Variants in DYNC1I1 observed in about 807,000 individuals in gnomAD.
DYNC1I1 encodes the protein dynein cytoplasmic 1 intermediate chain 1.
Under a neutral mutation model 86.6 loss-of-function variants are expected in DYNC1I1, and 43 were observed. That is an observed-to-expected ratio of 0.50 (90% CI 0.39 to 0.64). DYNC1I1 has a LOEUF of 0.64. Among genes scored for constraint, DYNC1I1 ranks in the 30% least tolerant of loss-of-function variants. The probability of loss-of-function intolerance (pLI) is 0.00; values close to 1 mark genes in which losing one functional copy is unlikely to be tolerated. For missense variants in DYNC1I1, 604 were observed against 788.8 expected, an observed-to-expected ratio of 0.77 and a Z score of 2.81; for synonymous variants, 262 against 283.7, an observed-to-expected ratio of 0.92 and a Z score of 0.77.
At chr7:95,845,547 A>G (rs931412998) in intron 5 of DYNC1I1, among the ~76,000 whole-genome samples, 1 of 152,224 alleles carries the variant, frequency 6.6e-6, no homozygotes, top group African/African-American at 2.4e-5. Flanking sequence ...TCATGTAACA[A>G]TGCCTGGTAT....
chr7:95,929,817 T>G (rs1791844402), intron 6 of DYNC1I1, among the ~76,000 whole-genome samples: 1 of 152,228 alleles, frequency 6.6e-6, no homozygotes, highest in Middle Eastern at 3.2e-3. Flanking sequence ...TCAGAAGCAT[T>G]CATGCTGTTG....
chr7:96,026,459 T>A (rs1794685760), intron 10 of DYNC1I1, among the ~76,000 whole-genome samples: 17 of 152,072 alleles, frequency 1.1e-4, no homozygotes, highest in Admixed American at 1.1e-3. Flanking sequence ...ACTTTGCTGG[T>A]GTATCAGTTA....
chr7:95,982,619 T>G (rs1406464085), intron 7 of DYNC1I1, among the ~76,000 whole-genome samples: 2 of 152,164 alleles, frequency 1.3e-5, no homozygotes, highest in Non-Finnish European at 2.9e-5. Flanking sequence ...AAAGATTTTT[T>G]AATATCTTAA....
chr7:95,796,063 C>T (rs556834939), intron 1 of DYNC1I1, among the ~76,000 whole-genome samples: 38 of 151,150 alleles, frequency 2.5e-4, no homozygotes, highest in Non-Finnish European at 3.8e-4. Context: ...AAAAAGCAGC[C>T]TACAGCAAAA....
chr7:95,893,503 C>A (rs1225576974), intron 6 of DYNC1I1, among the ~76,000 whole-genome samples: 1 of 152,108 alleles, frequency 6.6e-6, no homozygotes, highest in African/African-American at 2.4e-5. Context: ...TCTTAAACAC[C>A]ACTCCCAATA....
intron 6 of DYNC1I1, among the ~76,000 whole-genome samples, chr7:95,928,713 C>T (rs1022659563): frequency 6.6e-6 from 1 of 152,106 alleles, no homozygotes; most frequent in African/African-American, 2.4e-5. Context: ...AGACTTTTTA[C>T]TGGGAAATGA....
At chr7:96,100,341 CCCTT>C (rs577803214), downstream of DYNC1I1, among the ~76,000 whole-genome samples, 9 of 151,592 alleles carry the variant, frequency 5.9e-5, no homozygotes, top group Admixed American at 2.6e-4. Context: ...CTCCCTCTCT[CCCTT>C]CCTTCCTTCC....
At chr7:95,807,113 G>A (rs774248626) in intron 2 of DYNC1I1, among the ~76,000 whole-genome samples, 1 of 152,208 alleles carries the variant, frequency 6.6e-6, no homozygotes, top group African/African-American at 2.4e-5. Flanking sequence ...AGCTATCAGA[G>A]TAGATGAATG....
intron 6 of DYNC1I1, among the ~76,000 whole-genome samples, chr7:95,886,196 G>A (rs1265574806): frequency 1.3e-5 from 2 of 152,166 alleles, no homozygotes; most frequent in Non-Finnish European, 2.9e-5. Context: ...AACACTTTGG[G>A]AGGCCGAGGC....
At chr7:95,779,620 A>C (rs6944171) in intron 1 of DYNC1I1, among the ~76,000 whole-genome samples, 121,422 of 152,170 alleles carry the variant, frequency 0.8, 49,001 homozygotes, top group East Asian at 0.92. Context: ...TGACGTTCGT[A>C]TTTCTCCTAG....
At chr7:95,928,644 C>T (rs1457560180) in intron 6 of DYNC1I1, among the ~76,000 whole-genome samples, 1 of 152,150 alleles carries the variant, frequency 6.6e-6, no homozygotes, top group Non-Finnish European at 1.5e-5. Flanking sequence ...GTGTTAGTGC[C>T]GCCAGGTTCC....
rs565753423 is a variant in DYNC1I1, at chr7:96,096,874, C to T, written c.1777-609C>T. Among the ~76,000 whole-genome samples, 305 of 152,080 alleles carry T rather than the reference C, an allele frequency of 2.0e-3. 3 individuals are homozygous for T. Among genetic ancestry groups the T allele is most frequent in the Middle Eastern group, 3.4e-3 (1 of 294 alleles). ...GTGAGGCACAATAGGATTATTATGA[C>T]GAATGAGTTAATGCATGTAATGTAC... On this transcript the variant is annotated intron_variant, in intron 16 of 16. Transcript: ENST00000447467.
At chr7:95,818,928 C>A in intron 4 of DYNC1I1, 1 of 157,528 alleles carries the variant, frequency 6.3e-6, no homozygotes, top group Non-Finnish European at 1.4e-5. Flanking sequence ...TCAAATTTCC[C>A]CAATTGGCCC....
chr7:96,085,162 A>G (rs1324510109), intron 16 of DYNC1I1, among the ~76,000 whole-genome samples: 1 of 152,198 alleles, frequency 6.6e-6, no homozygotes, highest in Admixed American at 6.5e-5. Flanking sequence ...CAGCTGCTGC[A>G]GGGAGCCCCA....
intron 5 of DYNC1I1, among the ~76,000 whole-genome samples, chr7:95,862,500 T>G (rs534981631): frequency 4.2e-4 from 64 of 151,994 alleles, no homozygotes; most frequent in African/African-American, 1.4e-3. Context: ...AAAACCAAAG[T>G]GAGATATCAC....
chr7:95,802,997 A>G (rs2115787033), intron 1 of DYNC1I1, among the ~76,000 whole-genome samples: 1 of 152,104 alleles, frequency 6.6e-6, no homozygotes, highest in South Asian at 2.1e-4. Flanking sequence ...ACTCCACCAA[A>G]CCTTGGTTAG....
chr7:96,041,608 A>G (rs144264574), intron 14 of DYNC1I1, among the ~76,000 whole-genome samples: 3 of 152,302 alleles, frequency 2.0e-5, no homozygotes, highest in African/African-American at 7.2e-5. Context: ...AAAGTATGGT[A>G]CCTCCACCCA....
In DYNC1I1 at chr7:96,039,303, A is replaced by G; in HGVS notation, c.1391A>G (p.Glu464Gly). The change falls in exon 14 of 17, where the codon GAA (glutamate) becomes GGA (glycine). Residue 464 changes from glutamate to glycine, a missense_variant. Coordinates refer to ENST00000447467, the MANE Select transcript of DYNC1I1 (RefSeq NM_001135556.2). ...AAAGCAGGTATTGGTGAGGTCTTTG[A>G]AGGTCACCAAGGGCCAGTGACAGGA... ...GSKAGIGEVF[E>G]GHQGPVTGIN... The G allele has an allele frequency of 6.2e-7, 1 of 1,614,060 alleles. No individual in the cohort carries two copies. The highest frequency in any genetic ancestry group is 8.5e-7 in the Non-Finnish European group (1 of 1,179,944).
intron 6 of DYNC1I1, among the ~76,000 whole-genome samples, chr7:95,924,869 T>C (rs1257917195): frequency 1.3e-5 from 2 of 152,180 alleles, no homozygotes; most frequent in African/African-American, 4.8e-5. Flanking sequence ...TAGTCAAAAG[T>C]GGGCTCTCTC....
Sources: gnomAD v4.1 joint callset for allele counts (sites outside exome capture counted in the v4.1 genomes callset) on GRCh38, gnomAD v4.1.1 for gene constraint, MANE v1.5 for transcripts, NCBI Gene and HGNC (gene_info 2026-07-23, HGNC 2026-07-21) for gene names.